The following SLC4A8 variants were observed in gnomAD, a reference collection of about 807,000 sequenced individuals.
SLC4A8 encodes solute carrier family 4 member 8.
SLC4A8 carries 40 observed loss-of-function variants against 125.0 expected under a neutral mutation model. That is an observed-to-expected ratio of 0.32 (90% CI 0.25 to 0.42). The LOEUF (loss-of-function observed/expected upper bound fraction) is 0.42, where lower values mean the gene tolerates loss of function less well. Among genes scored for constraint, SLC4A8 ranks in the 10% least tolerant of loss-of-function variants. The probability of loss-of-function intolerance (pLI) is 1.00; values close to 1 mark genes in which losing one functional copy is unlikely to be tolerated. For synonymous variants in SLC4A8, 456 were observed against 476.0 expected (o/e 0.96, Z 0.55); for missense variants, 863 against 1,355.1 (o/e 0.64, Z 5.70).
chr12:51,490,955 G>A (rs1281488181), intron 19 of SLC4A8, among the ~76,000 whole-genome samples: 2 of 152,202 alleles, frequency 1.3e-5, no homozygotes, highest in Non-Finnish European at 2.9e-5. Context: ...GAAGCTGGTA[G>A]CAGGGACAGA....
intron 16 of SLC4A8, 111 bp from the exon 17 acceptor site, chr12:51,485,676 A>T: frequency 1.6e-6 from 1 of 621,470 alleles, no homozygotes; most frequent in East Asian, 2.7e-5. Context: ...CATTAATTCA[A>T]CTGTAAGATG....
chr12:51,440,150 A>T (rs1949548843), intron 1 of SLC4A8, among the ~76,000 whole-genome samples: 1 of 151,744 alleles, frequency 6.6e-6, no homozygotes, highest in Non-Finnish European at 1.5e-5. Context: ...GAGGCCAAGG[A>T]GACCAATCTA....
rs962315576 is a variant in SLC4A8, at chr12:51,513,224, T to C, written c.*5786T>C. The C allele has an allele frequency of 1.3e-5, 2 of 152,210 alleles. No individual in the cohort carries two copies. The highest frequency in any genetic ancestry group is 2.1e-4 in the South Asian group (1 of 4,828). 9.4% of individuals were successfully genotyped at this position (152,210 alleles called of 1,614,324 possible). On this transcript the variant is annotated 3_prime_UTR_variant, in exon 25 of 25. Transcript: ENST00000453097. ...AAATATACTGTGAAATTGCCAAATA[T>C]GTTTGGTTGCAGAAAACACAGCCTG... is the stretch of plus-strand genomic sequence containing the variant.
Position 51,513,313 on chromosome 12 carries a change from T to C in SLC4A8, c.*5875T>C, listed in dbSNP as rs993387653. On this transcript the variant is annotated 3_prime_UTR_variant, in exon 25 of 25. Transcript: ENST00000453097. ...CAGGATTGCCAAGAGATGTGATCTT[T>C]CCACATACAGCTCCTGTCCCCATCT... 5 of 152,242 alleles carry C rather than the reference T, an allele frequency of 3.3e-5. No individual in the cohort carries two copies. The highest frequency in any genetic ancestry group is 6.5e-5 in the Admixed American group (1 of 15,286). The allele number at this position is 152,242 out of a possible 1,614,324, so 9.4% of individuals were successfully genotyped here.
chr12:51,491,178 T>C (rs1238282910), intron 19 of SLC4A8, among the ~76,000 whole-genome samples: 1 of 152,102 alleles, frequency 6.6e-6, no homozygotes, highest in African/African-American at 2.4e-5. Flanking sequence ...TGGAGTGAGA[T>C]GTCTGGGAGT....
At chr12:51,413,857 T>G (rs1262899261) in intron 1 of SLC4A8, among the ~76,000 whole-genome samples, 1 of 152,258 alleles carries the variant, frequency 6.6e-6, no homozygotes, top group African/African-American at 2.4e-5. Context: ...GGTAGTGTGA[T>G]GCCTTCAACT....
At chr12:51,449,903 C>A (rs1453139158) in intron 2 of SLC4A8, among the ~76,000 whole-genome samples, 1 of 152,082 alleles carries the variant, frequency 6.6e-6, no homozygotes, top group African/African-American at 2.4e-5. Context: ...GTGGTGCACA[C>A]ATGTATTCCT....
At chr12:51,478,888 G>A (rs1225629546) in intron 16 of SLC4A8, among the ~76,000 whole-genome samples, 1 of 152,234 alleles carries the variant, frequency 6.6e-6, no homozygotes, top group Non-Finnish European at 1.5e-5. Flanking sequence ...CCATGGCCTG[G>A]AGACCTGGAT....
intron 15 of SLC4A8, chr12:51,474,711 G>T (rs1950810693): frequency 1.7e-6 from 1 of 580,172 alleles, no homozygotes; most frequent in South Asian, 2.8e-5. Flanking sequence ...AAACCATGCA[G>T]GACAGGGGGC....
intron 2 of SLC4A8, 79 bp downstream of exon 2, chr12:51,440,868 A>T: frequency 8.3e-7 from 1 of 1,204,288 alleles, no homozygotes; most frequent in Non-Finnish European, 1.2e-6. Context: ...CTGTGTCCTA[A>T]CTCTCTCACT....
chr12:51,498,524 T>C (rs559167475), intron 22 of SLC4A8, among the ~76,000 whole-genome samples: 1 of 151,942 alleles, frequency 6.6e-6, no homozygotes, highest in South Asian at 2.1e-4. Flanking sequence ...TGGCAAAGAT[T>C]TTTAAAAGAT....
chr12:51,400,755 TATATATATATATATATATATATACATAC>T (rs554369137), intron 1 of SLC4A8, among the ~76,000 whole-genome samples: 6,851 of 14,796 alleles, frequency 0.46, 1,215 homozygotes, highest in Non-Finnish European at 0.49. Context: ...TATATATATA[TATATATATATATATATATATATACATAC>T]ATACACACAC....
intron 16 of SLC4A8, among the ~76,000 whole-genome samples, chr12:51,478,562 T>C (rs988533566): frequency 1.3e-5 from 2 of 152,222 alleles, no homozygotes; most frequent in Non-Finnish European, 2.9e-5. Flanking sequence ...TCAAATGTGA[T>C]GAAAAGTAGA....
intron 1 of SLC4A8, among the ~76,000 whole-genome samples, chr12:51,415,902 C>T (rs1168617312): frequency 2.0e-5 from 3 of 150,062 alleles, no homozygotes; most frequent in Admixed American, 6.7e-5. Context: ...AAATGTACCC[C>T]CGAATCTAAA....
chr12:51,394,555 ATG>A (rs1948222730), intron 1 of SLC4A8, among the ~76,000 whole-genome samples: 1 of 152,192 alleles, frequency 6.6e-6, no homozygotes, highest in Non-Finnish European at 1.5e-5. Context: ...GTGGTGGCTC[ATG>A]CCTGTAATCC....
chr12:51,474,088 C>T (rs1950792091), intron 14 of SLC4A8, among the ~76,000 whole-genome samples: 1 of 152,130 alleles, frequency 6.6e-6, no homozygotes, highest in African/African-American at 2.4e-5. Flanking sequence ...ATTCTGGGCA[C>T]ATCAGATGCC....
chr12:51,393,461 A>T (rs901660686), intron 1 of SLC4A8, among the ~76,000 whole-genome samples: 8 of 152,294 alleles, frequency 5.3e-5, no homozygotes, highest in African/African-American at 1.9e-4. Context: ...TCCTAGCAAG[A>T]AGTTCTGACA....
At chr12:51,413,631 T>C (rs1004263537) in intron 1 of SLC4A8, among the ~76,000 whole-genome samples, 1 of 152,240 alleles carries the variant, frequency 6.6e-6, no homozygotes, top group Admixed American at 6.5e-5. Flanking sequence ...TTCTTCTGCG[T>C]ATGGATAGCC....
intron 14 of SLC4A8, 180 bp downstream of exon 14, chr12:51,471,712 G>A (rs1948194851): frequency 7.8e-6 from 5 of 642,520 alleles, no homozygotes; most frequent in African/African-American, 1.8e-5. Context: ...AATCAAAAGT[G>A]TTGACAGAGA....
Sources: gnomAD v4.1 joint callset for allele counts (sites outside exome capture counted in the v4.1 genomes callset) on GRCh38, gnomAD v4.1.1 for gene constraint, MANE v1.5 for transcripts, NCBI Gene and HGNC (gene_info 2026-07-23, HGNC 2026-07-21) for gene names.